Variants in CCNJL observed in about 807,000 individuals in gnomAD.
CCNJL encodes cyclin-J-like protein.
CCNJL carries 33 observed loss-of-function variants against 33.4 expected under a neutral mutation model. The ratio of observed to expected loss-of-function variants is 0.99; its 90% CI spans 0.75 to 1.32. CCNJL has a LOEUF of 1.32. Ranked by LOEUF, CCNJL falls within the 40% of genes most tolerant of loss-of-function variation. The pLI, the probability that CCNJL is intolerant of heterozygous loss-of-function variation, is 0.00. For synonymous variants in CCNJL, 227 were observed against 220.9 expected, an observed-to-expected ratio of 1.03 and a Z score of -0.24; for missense variants, 512 against 499.7, an observed-to-expected ratio of 1.02 and a Z score of -0.23.
At chr5:160,285,350 T>C (rs1762368986) in intron 2 of CCNJL, among the ~76,000 whole-genome samples, 1 of 152,200 alleles carries the variant, frequency 6.6e-6, no homozygotes, top group Admixed American at 6.5e-5. Context: ...TGGGTCTCCT[T>C]TGCACATCAC....
chr5:160,253,227 G>A lies in CCNJL; in HGVS notation c.*151C>T, dbSNP rs1760884761. 1.6e-6 allele frequency: 1 copy of A among 631,166 alleles called. No homozygotes were observed. Among genetic ancestry groups the A allele is most frequent in the African/African-American group, 1.8e-5 (1 of 54,198 alleles). 39.1% of individuals were successfully genotyped at this position (631,166 alleles called of 1,614,324 possible). A position where few individuals can be genotyped will look rare whatever the true frequency, so the allele number is the denominator to read the frequency against. ...TATGTTATTGAATGTTTTGCTCTGG[G>A]TCAGTTTTATTTAAAAGGAGCACAG... On this transcript the variant is annotated 3_prime_UTR_variant, in exon 6 of 6. Coordinates refer to ENST00000257536, the MANE Select transcript of CCNJL (RefSeq NM_001308173.3).
In CCNJL at chr5:160,249,676, T is replaced by A. The variant is rs1353840316; in HGVS notation, c.*3702A>T. 6.6e-6 allele frequency: 1 copy of A among 151,778 alleles called. No individual in the cohort carries two copies. The highest frequency in any genetic ancestry group is 1.5e-5 in the Non-Finnish European group (1 of 67,988). 9.4% of individuals were successfully genotyped at this position (151,778 alleles called of 1,614,324 possible). A position where few individuals can be genotyped will look rare whatever the true frequency, so the allele number is the denominator to read the frequency against. ...TACTCAGGAGGCTGAGGTGGGAGGA[T>A]CACTTGAGCCCAGAAGGTTGAAGCT... On this transcript the variant is annotated 3_prime_UTR_variant, in exon 6 of 6. Coordinates refer to ENST00000257536, the MANE Select transcript of CCNJL (RefSeq NM_001308173.3).
chr5:160,269,547 A>G (rs10071116), intron 3 of CCNJL: 50,739 of 454,050 alleles, frequency 0.11, 4,530 homozygotes, highest in African/African-American at 0.26. Flanking sequence ...GTTCCGACCT[A>G]TGCGGGGAAC....
At chr5:160,274,403 G>C (rs1229997980) in intron 3 of CCNJL, among the ~76,000 whole-genome samples, 1 of 152,060 alleles carries the variant, frequency 6.6e-6, no homozygotes, top group Non-Finnish European at 1.5e-5. Flanking sequence ...AGGTTGCAAT[G>C]AGCCAAGATC....
intron 2 of CCNJL, among the ~76,000 whole-genome samples, chr5:160,304,238 G>C (rs1763021135): frequency 1.3e-5 from 2 of 152,204 alleles, no homozygotes; most frequent in African/African-American, 4.8e-5. Context: ...CCAAGTTCTG[G>C]TTCAGTTTTG....
chr5:160,263,654 G>C (rs143868337), intron 3 of CCNJL, among the ~76,000 whole-genome samples: 17 of 152,276 alleles, frequency 1.1e-4, no homozygotes, highest in African/African-American at 3.6e-4. Flanking sequence ...ACTTTGTCCT[G>C]GCTTATGTTA....
chr5:160,288,681 G>A (rs1241142979), intron 2 of CCNJL, among the ~76,000 whole-genome samples: 1 of 151,636 alleles, frequency 6.6e-6, no homozygotes, highest in East Asian at 1.9e-4. Context: ...CCATCCTGGC[G>A]AACATGGTGA....
upstream of CCNJL, among the ~76,000 whole-genome samples, chr5:160,313,887 C>G (rs754536215): frequency 6.6e-6 from 1 of 152,186 alleles, no homozygotes; most frequent in African/African-American, 2.4e-5. Flanking sequence ...GGGGGGATGG[C>G]GGGGCGCGGT....
At chr5:160,326,716 GA>G in intron 1 of CCNJL, 1 of 916,176 alleles carries the variant, frequency 1.1e-6, no homozygotes, top group Non-Finnish European at 1.8e-6. Flanking sequence ...GCCAGGGCCA[GA>G]AAGTGCAGAA....
chr5:160,307,842 A>C (rs908190626), intron 2 of CCNJL, among the ~76,000 whole-genome samples: 6 of 152,284 alleles, frequency 3.9e-5, no homozygotes, highest in African/African-American at 1.4e-4. Context: ...TGAGCATGGG[A>C]TAAAGGTGGC....
chr5:160,264,025 A>G (rs554933886), intron 3 of CCNJL, among the ~76,000 whole-genome samples: 172 of 148,618 alleles, frequency 1.2e-3, no homozygotes, highest in Non-Finnish European at 1.3e-3. Context: ...GGCTCACCAT[A>G]TCTTCAACTT....
intron 2 of CCNJL, among the ~76,000 whole-genome samples, chr5:160,282,453 A>C (rs539592627): frequency 6.6e-6 from 1 of 152,274 alleles, no homozygotes; most frequent in Non-Finnish European, 1.5e-5. Flanking sequence ...GGAAAAATAC[A>C]TAAGTTGAAT....
upstream of CCNJL, among the ~76,000 whole-genome samples, chr5:160,314,810 A>AT (rs999720701): frequency 6.6e-6 from 1 of 152,190 alleles, no homozygotes; most frequent in African/African-American, 2.4e-5. Context: ...GATAGATGTT[A>AT]TTTTTAAAAT....
chr5:160,273,302 C>T (rs1289083805), intron 3 of CCNJL, among the ~76,000 whole-genome samples: 1 of 152,208 alleles, frequency 6.6e-6, no homozygotes, highest in Non-Finnish European at 1.5e-5. Context: ...ATATTGAACT[C>T]ATGGCCAACA....
At chr5:160,280,236 C>T (rs1016236520) in intron 3 of CCNJL, among the ~76,000 whole-genome samples, 13 of 152,154 alleles carry the variant, frequency 8.5e-5, no homozygotes, top group African/African-American at 1.7e-4. Context: ...AAACTGGCTT[C>T]GTCACCTCTC....
rs746572826 is a variant in CCNJL, at chr5:160,253,632, C to T, written c.910G>A (p.Asp304Asn). The T allele has an allele frequency of 5.0e-6, 8 of 1,612,790 alleles. 1 individual carries two copies. In the South Asian group the frequency reaches 8.8e-5, roughly 18 times the overall value. ...TLAQFQTPVQ[D>N]LCLAYRDSLQ... ...GAGTCCCGATAGGCCAAGCATAGGT[C>T]CTGCACGGGGGTCTGGAACTGTGCC... Residue 304 changes from aspartate (D) to asparagine (N), a missense_variant, in exon 6 of 6, where the codon GAC becomes AAC. By Grantham distance (23) the Asp-to-Asn change is conservative (BLOSUM62 1). Coordinates refer to ENST00000257536, the MANE Select transcript of CCNJL (RefSeq NM_001308173.3).
At chr5:160,254,585 G>A (rs1419000469) in intron 5 of CCNJL, 10 of 372,876 alleles carry the variant, frequency 2.7e-5, no homozygotes, top group Middle Eastern at 6.6e-4. Flanking sequence ...AAGGGCTTCC[G>A]CTTTGCCCAC....
chr5:160,304,309 T>C (rs1045957765), intron 2 of CCNJL, among the ~76,000 whole-genome samples: 1 of 152,212 alleles, frequency 6.6e-6, no homozygotes, highest in African/African-American at 2.4e-5. Flanking sequence ...CTAGACACTA[T>C]CTTGAGTGGC....
At chr5:160,295,634 G>A (rs1306174917) in intron 2 of CCNJL, among the ~76,000 whole-genome samples, 1 of 152,166 alleles carries the variant, frequency 6.6e-6, no homozygotes, top group Non-Finnish European at 1.5e-5. Context: ...GGAAGACGAG[G>A]TGAGGACAGA....
Sources: gnomAD v4.1 joint callset for allele counts (sites outside exome capture counted in the v4.1 genomes callset) on GRCh38, gnomAD v4.1.1 for gene constraint, MANE v1.5 for transcripts, NCBI Gene and HGNC (gene_info 2026-07-23, HGNC 2026-07-21) for gene names.